TMPRSS11D: variants seen among roughly 807,000 people sequenced by gnomAD.
The protein encoded by TMPRSS11D is transmembrane serine protease 11D.
TMPRSS11D carries 32 observed loss-of-function variants against 44.4 expected under a neutral mutation model. The ratio of observed to expected loss-of-function variants is 0.72; its 90% CI spans 0.54 to 0.97. The LOEUF is 0.97. TMPRSS11D is among the 50% of genes least tolerant of loss of function. The pLI is 0.00. For synonymous variants in TMPRSS11D, 179 were observed against 177.9 expected (o/e 1.01, Z -0.05); for missense variants, 446 against 502.6 (o/e 0.89, Z 1.08).
chr4:67,835,185 C>T (rs1037679320), intron 5 of TMPRSS11D, 64 bp from the exon 6 acceptor site: 17 of 1,462,266 alleles, frequency 1.2e-5, no homozygotes, highest in Non-Finnish European at 1.5e-5. Context: ...ACCATAATTT[C>T]TTAAAGTACA....
At chr4:67,823,770 T>C (rs1020307759) in intron 9 of TMPRSS11D, among the ~76,000 whole-genome samples, 56 of 152,284 alleles carry the variant, frequency 3.7e-4, no homozygotes, top group African/African-American at 1.3e-3. Context: ...TTAGATGACA[T>C]ATGCATGCTT....
At chr4:67,843,742 T>G (rs1307447352) in intron 3 of TMPRSS11D, among the ~76,000 whole-genome samples, 1 of 151,970 alleles carries the variant, frequency 6.6e-6, no homozygotes, top group Admixed American at 6.6e-5. Flanking sequence ...GCTAACACGG[T>G]GAAACTCCGT....
intron 3 of TMPRSS11D, among the ~76,000 whole-genome samples, chr4:67,848,649 G>A (rs1718416870): frequency 6.6e-6 from 1 of 152,190 alleles, no homozygotes; most frequent in Non-Finnish European, 1.5e-5. Context: ...GAGATTGTCA[G>A]GAAGAATCAG....
intron 1 of TMPRSS11D, among the ~76,000 whole-genome samples, chr4:67,882,799 T>G (rs1719351009): frequency 6.6e-6 from 1 of 152,092 alleles, no homozygotes; most frequent in Admixed American, 6.5e-5. Context: ...TGTTCTTTAT[T>G]AGACTTTCTC....
chr4:67,853,975 CA>C (rs1718571099), intron 3 of TMPRSS11D, 92 bp downstream of exon 3: 2 of 719,328 alleles, frequency 2.8e-6, no homozygotes, highest in Non-Finnish European at 2.2e-6. Context: ...ATATGTAGAG[CA>C]CTTAGCAACT....
chr4:67,831,481 C>T (rs13142201), intron 7 of TMPRSS11D, among the ~76,000 whole-genome samples: 117,661 of 151,926 alleles, frequency 0.77, 46,845 homozygotes, highest in Middle Eastern at 0.88. Flanking sequence ...TAATCGTTGT[C>T]GATATTTATA....
intron 3 of TMPRSS11D, among the ~76,000 whole-genome samples, chr4:67,850,196 TG>T (rs1292352149): frequency 6.6e-6 from 1 of 152,046 alleles, no homozygotes; most frequent in Non-Finnish European, 1.5e-5. Flanking sequence ...ATGATAAAGG[TG>T]ACATGACAAA....
chr4:67,841,806 G>C (rs1341033670), intron 4 of TMPRSS11D, among the ~76,000 whole-genome samples: 2 of 152,122 alleles, frequency 1.3e-5, no homozygotes, highest in Non-Finnish European at 2.9e-5. Context: ...AGACATCTGT[G>C]CTCCAGATAC....
rs759048486 is a variant in TMPRSS11D at position 67,838,305 on chromosome 4, C to A, written c.342G>T (p.Ala114=). ...KLRQDGSGVR[A]DVVMKFQFTR... ...TGAATTGAAATTTCATGACAACATC[C>A]GCTCTCACACCACTACCATCTTGCC... The change falls in exon 5 of 10, where the codon GCG becomes GCT. Residue 114 remains alanine, a synonymous_variant. Coordinates refer to ENST00000283916, the MANE Select transcript of TMPRSS11D (RefSeq NM_004262.3). The A allele has an allele frequency of 6.3e-7, 1 of 1,587,280 alleles. No individual in the cohort carries two copies. Among genetic ancestry groups the A allele is most frequent in the Non-Finnish European group, 8.6e-7 (1 of 1,169,578 alleles).
At chr4:67,876,134 C>T (rs76856901) in intron 1 of TMPRSS11D, among the ~76,000 whole-genome samples, 2 of 152,244 alleles carry the variant, frequency 1.3e-5, no homozygotes, top group Non-Finnish European at 2.9e-5. Flanking sequence ...AATTACTACA[C>T]AGGCAATGCA....
rs922664979 is a variant in TMPRSS11D at position 67,859,790 on chromosome 4, C to G, written c.9-112G>C. 2.5e-5 allele frequency: 35 copies of G among 1,393,616 alleles called. No homozygotes were observed. In the African/African-American group the frequency reaches 4.4e-4, roughly 18 times the overall value. 86.3% of individuals were successfully genotyped at this position (1,393,616 alleles called of 1,614,324 possible). On this transcript the variant is annotated intron_variant, in intron 1 of 9. Transcript: ENST00000283916. The stretch of plus-strand genomic sequence containing the variant: ...CCGGTCTCTTATCTGGGACATGGCT[C>G]TAGCCATAGAAACATATTCGTAGAT...
At position 67,854,112 on chromosome 4, in the gene TMPRSS11D, C is replaced by A; in HGVS notation, c.205G>T (p.Ala69Ser). 1.3e-6 allele frequency: 2 copies of A among 1,598,964 alleles called. No individual in the cohort carries two copies. Among genetic ancestry groups the A allele is most frequent in the Non-Finnish European group, 1.7e-6 (2 of 1,173,892 alleles). ...VEYNSQLNSPATQEYRTLSGR... is the reference protein window; with the variant it reads ...VEYNSQLNSPSTQEYRTLSGR... ...CTCAAAGTCCTGTATTCCTGTGTAG[C>A]TGGTGAATTTAACTGACTATTATAT... The change falls in exon 3 of 10, where the codon GCT (alanine) becomes TCT (serine). Residue 69 changes from alanine (A) to serine (S), a missense_variant. Physicochemically the swap from Ala to Ser is moderately conservative, Grantham distance 99. Coordinates refer to ENST00000283916, the MANE Select transcript of TMPRSS11D (RefSeq NM_004262.3).
Position 67,827,358 on chromosome 4 carries a change from G to A in TMPRSS11D, c.855C>T (p.Thr285=), listed in dbSNP as rs1577802366. 1.2e-6 allele frequency: 2 copies of A among 1,613,152 alleles called. No homozygotes were observed. The highest frequency in any genetic ancestry group is 1.7e-6 in the Non-Finnish European group (2 of 1,179,560). The change falls in exon 8 of 10, where the codon ACC becomes ACT. Residue 285 remains threonine, a synonymous_variant. Transcript: ENST00000283916. ...LVRLENSVTF[T]KDIHSVCLPA... is the part of the protein sequence containing the mutation. ...GGAGACACACACTATGGATATCTTT[G>A]GTAAAGGTGACACTGTTCTCAAGTC...
intron 3 of TMPRSS11D, among the ~76,000 whole-genome samples, chr4:67,852,790 TA>T (rs1350865910): frequency 2.0e-5 from 3 of 152,168 alleles, no homozygotes; most frequent in Non-Finnish European, 4.4e-5. Context: ...GTTCCTTCAA[TA>T]AACATTTATT....
intron 7 of TMPRSS11D, 65 bp from the exon 8 acceptor site, chr4:67,827,585 C>T (rs1717834412): frequency 6.8e-7 from 1 of 1,479,894 alleles, no homozygotes; most frequent in Non-Finnish European, 9.0e-7. Flanking sequence ...TATATAAATT[C>T]ATCTTAGCCA....
chr4:67,822,263 T>C lies in TMPRSS11D; in HGVS notation c.*74A>G, dbSNP rs955327886. The C allele has an allele frequency of 1.0e-5, 15 of 1,496,262 alleles. No homozygotes were observed. In the African/African-American group the frequency reaches 2.1e-4, roughly 21 times the overall value. The allele number at this position is 1,496,262 out of a possible 1,614,324, so 92.7% of individuals were successfully genotyped here. On this transcript the variant is annotated 3_prime_UTR_variant, in exon 10 of 10. Coordinates refer to ENST00000283916, the MANE Select transcript of TMPRSS11D (RefSeq NM_004262.3). The stretch of plus-strand genomic sequence containing the variant: ...GGACATTTCTAGTTTCTTTTTCAGT[T>C]GAAATGTAAAGCTTTGGAATTTAAG...
chr4:67,870,389 C>T (rs1214406962), intron 1 of TMPRSS11D, among the ~76,000 whole-genome samples: 1 of 152,220 alleles, frequency 6.6e-6, no homozygotes, highest in Non-Finnish European at 1.5e-5. Flanking sequence ...ACCTCTGGGA[C>T]TTTGTGCTTG....
rs766772310 is a variant in TMPRSS11D, at chr4:67,827,509, G to A, written c.704C>T (p.Pro235Leu). The change falls in exon 8 of 10, where the codon CCT becomes CTT. Residue 235 changes from proline (P) to leucine (L), a missense_variant. Transcript: ENST00000283916. ...ACCAGACGTGGCAATCCAGTCACGA[G>A]GATTAGAGTTGCTAAAACATTATGA... ...AAHCFRSNSN[P>L]RDWIATSGIS... The A allele has an allele frequency of 6.3e-7, 1 of 1,597,912 alleles. No individual in the cohort carries two copies. The highest frequency in any genetic ancestry group is 1.1e-5 in the South Asian group (1 of 88,172).
chr4:67,874,462 A>C (rs768422100), intron 1 of TMPRSS11D, among the ~76,000 whole-genome samples: 1 of 152,154 alleles, frequency 6.6e-6, no homozygotes, highest in African/African-American at 2.4e-5. Flanking sequence ...AATTTGGTAC[A>C]TTACACTCTA....
Sources: gnomAD v4.1 joint callset for allele counts (sites outside exome capture counted in the v4.1 genomes callset) on GRCh38, gnomAD v4.1.1 for gene constraint, MANE v1.5 for transcripts, NCBI Gene and HGNC (gene_info 2026-07-23, HGNC 2026-07-21) for gene names.